Variants in PTPRD observed in about 807,000 individuals in gnomAD.
PTPRD encodes the protein receptor-type tyrosine-protein phosphatase delta.
PTPRD carries 34 observed loss-of-function variants against 214.5 expected under a neutral mutation model. That is an observed-to-expected ratio of 0.16 (90% CI 0.12 to 0.21). PTPRD has a LOEUF of 0.21. Among genes scored for constraint, PTPRD ranks in the 10% least tolerant of loss-of-function variants. PTPRD has a pLI of 1.00. For missense variants in PTPRD, 2,545 were observed against 2,398.7 expected (o/e 1.06, Z -1.27); for synonymous variants, 1,128 against 845.7 (o/e 1.33, Z -5.79).
chr9:8,752,573 TC>T (rs1407398793), intron 11 of PTPRD, among the ~76,000 whole-genome samples: 1 of 152,162 alleles, frequency 6.6e-6, no homozygotes, highest in Non-Finnish European at 1.5e-5. Context: ...CTCAATTCTT[TC>T]TTGTGCGAGA....
chr9:10,415,454 T>C (rs1437780443), intron 2 of PTPRD, among the ~76,000 whole-genome samples: 1 of 151,956 alleles, frequency 6.6e-6, no homozygotes, highest in African/African-American at 2.4e-5. Flanking sequence ...ATGGTTATCA[T>C]TTTAATATTT....
intron 14 of PTPRD, among the ~76,000 whole-genome samples, chr9:8,557,455 T>TATAC: frequency 1.2e-4 from 16 of 135,626 alleles, no homozygotes; most frequent in African/African-American, 4.9e-4. Context: ...TATATATATA[T>TATAC]ATTTGGGCCG....
chr9:8,507,271 T>C lies in PTPRD; in HGVS notation c.1677+30A>G, dbSNP rs371412273. Reference sequence around the variant, plus strand: ...AAAAGTGGCCCCACGTAATGAATAATTCCCAAGGTGAGAAGCACTATAGTC... The same window carrying C: ...AAAAGTGGCCCCACGTAATGAATAACTCCCAAGGTGAGAAGCACTATAGTC... On this transcript the variant is annotated intron_variant, in intron 22 of 45. Transcript: ENST00000381196. The C allele has an allele frequency of 1.5e-4, 233 of 1,601,956 alleles. No individual in the cohort carries two copies. In the African/African-American group the frequency reaches 3.0e-3, roughly 21 times the overall value.
intron 4 of PTPRD, among the ~76,000 whole-genome samples, chr9:10,016,829 T>A (rs1430348647): frequency 6.6e-6 from 1 of 152,158 alleles, no homozygotes; most frequent in Admixed American, 6.5e-5. Flanking sequence ...CATGTCTGGC[T>A]AATCTTTTGA....
chr9:8,320,717 A>G (rs944806480), intron 44 of PTPRD, among the ~76,000 whole-genome samples: 2 of 149,654 alleles, frequency 1.3e-5, no homozygotes, highest in Non-Finnish European at 3.0e-5. Flanking sequence ...ATGATCAGCA[A>G]CTAAAACCAC....
At chr9:9,412,164 A>C (rs931955046) in intron 8 of PTPRD, among the ~76,000 whole-genome samples, 18 of 152,216 alleles carry the variant, frequency 1.2e-4, no homozygotes, top group African/African-American at 4.3e-4. Context: ...TTTTTTGGCC[A>C]GAATTACCTA....
intron 3 of PTPRD, among the ~76,000 whole-genome samples, chr9:10,328,050 A>G (rs1335689536): frequency 6.6e-6 from 1 of 151,714 alleles, no homozygotes; most frequent in East Asian, 1.9e-4. Flanking sequence ...CCTGTAGATG[A>G]GCTTCCATCT....
intron 37 of PTPRD, among the ~76,000 whole-genome samples, chr9:8,386,070 G>C (rs767127593): frequency 2.0e-5 from 3 of 152,178 alleles, no homozygotes; most frequent in Non-Finnish European, 4.4e-5. Flanking sequence ...AATACCATTT[G>C]AGACTCACTG....
chr9:10,193,109 T>C (rs1051693498), intron 3 of PTPRD, among the ~76,000 whole-genome samples: 2 of 152,172 alleles, frequency 1.3e-5, no homozygotes, highest in Non-Finnish European at 2.9e-5. Flanking sequence ...GATTTTTCAA[T>C]TTCCCATTCC....
At chr9:9,960,946 A>C (rs2094320556) in intron 4 of PTPRD, among the ~76,000 whole-genome samples, 1 of 152,080 alleles carries the variant, frequency 6.6e-6, no homozygotes, top group Non-Finnish European at 1.5e-5. Context: ...TCTACAATGA[A>C]CTCAAACAAA....
At chr9:8,422,625 C>T (rs1467871211) in intron 35 of PTPRD, among the ~76,000 whole-genome samples, 1 of 152,058 alleles carries the variant, frequency 6.6e-6, no homozygotes, top group Non-Finnish European at 1.5e-5. Context: ...AACTTTGTGA[C>T]ACTGAATTTA....
intron 12 of PTPRD, among the ~76,000 whole-genome samples, chr9:8,711,409 C>G (rs1281772171): frequency 6.6e-6 from 1 of 151,926 alleles, no homozygotes; most frequent in Admixed American, 6.6e-5. Context: ...TTAAAAAGGC[C>G]TTGATTTAAT....
chr9:9,709,062 T>G (rs908228277), intron 7 of PTPRD, among the ~76,000 whole-genome samples: 4 of 152,002 alleles, frequency 2.6e-5, no homozygotes, highest in Non-Finnish European at 5.9e-5. Context: ...GTCAATAGTT[T>G]AAGATCTTAT....
At chr9:9,744,584 T>G (rs2154458623) in intron 6 of PTPRD, among the ~76,000 whole-genome samples, 1 of 152,144 alleles carries the variant, frequency 6.6e-6, no homozygotes, top group Non-Finnish European at 1.5e-5. Context: ...ATGACATAAG[T>G]GAACACTACC....
chr9:9,533,332 C>A (rs2075879135), intron 8 of PTPRD, among the ~76,000 whole-genome samples: 1 of 152,072 alleles, frequency 6.6e-6, no homozygotes, highest in South Asian at 2.1e-4. Flanking sequence ...TTTTTCTTTT[C>A]ATTGTCAAAC....
chr9:9,050,106 G>A (rs72694921), intron 10 of PTPRD, among the ~76,000 whole-genome samples: 14,681 of 152,152 alleles, frequency 0.096, 729 homozygotes, highest in Middle Eastern at 0.11. Flanking sequence ...ATTTATTGCC[G>A]CACGAAACCT....
At chr9:9,242,148 C>T (rs4317629) in intron 9 of PTPRD, among the ~76,000 whole-genome samples, 131,346 of 152,044 alleles carry the variant, frequency 0.86, 57,295 homozygotes, top group Non-Finnish European at 0.92. Flanking sequence ...AAAATTCTTT[C>T]CTTTAAGAAT....
intron 10 of PTPRD, among the ~76,000 whole-genome samples, chr9:9,174,556 A>C (rs2099923443): frequency 6.6e-6 from 1 of 152,176 alleles, no homozygotes; most frequent in African/African-American, 2.4e-5. Context: ...TAGTAGATAT[A>C]CATAAATGCT....
intron 11 of PTPRD, chr9:8,958,619 G>A (rs765582364): frequency 8.6e-5 from 13 of 151,968 alleles, no homozygotes; most frequent in African/African-American, 3.1e-4. Flanking sequence ...GTAAATATTT[G>A]AGAAACGGAC....
Sources: allele counts gnomAD v4.1 joint callset (sites outside exome capture counted in the v4.1 genomes callset), GRCh38; gene constraint gnomAD v4.1.1; transcripts MANE v1.5; gene names NCBI Gene and HGNC (gene_info 2026-07-23, HGNC 2026-07-21).